Variants in KCNQ5 observed in about 807,000 individuals in gnomAD.
KCNQ5 encodes the protein potassium voltage-gated channel subfamily Q member 5.
A neutral mutation model predicts 98.2 loss-of-function variants in KCNQ5; 30 were observed. The ratio of observed to expected loss-of-function variants is 0.31; its 90% confidence interval spans 0.23 to 0.41. The LOEUF (loss-of-function observed/expected upper bound fraction) is 0.41. Ranked by LOEUF, KCNQ5 falls within the 10% of genes least tolerant of loss-of-function variation. The probability of loss-of-function intolerance (pLI) is 1.00; values close to 1 mark genes in which losing one functional copy is unlikely to be tolerated. For missense variants in KCNQ5, 835 were observed against 1,182.5 expected (o/e 0.71, Z 4.31); for synonymous variants, 458 against 449.4 (o/e 1.02, Z -0.24).
chr6:73,144,107 G>C (rs1776827575), intron 10 of KCNQ5, among the ~76,000 whole-genome samples: 2 of 152,054 alleles, frequency 1.3e-5, no homozygotes, highest in South Asian at 4.1e-4. Flanking sequence ...TAAAGAAGGG[G>C]GGAAACAAGG....
At chr6:72,952,077 T>G (rs560485843) in intron 1 of KCNQ5, among the ~76,000 whole-genome samples, 1 of 152,164 alleles carries the variant, frequency 6.6e-6, no homozygotes, top group Non-Finnish European at 1.5e-5. Context: ...ATTGTAAGTT[T>G]GCAAAGTTGA....
At chr6:72,849,109 T>C (rs1777133820) in intron 1 of KCNQ5, among the ~76,000 whole-genome samples, 1 of 127,354 alleles carries the variant, frequency 7.9e-6, no homozygotes, top group South Asian at 2.9e-4. Flanking sequence ...GTAGCGTATG[T>C]ACACATACAC....
intron 1 of KCNQ5, among the ~76,000 whole-genome samples, chr6:72,954,250 A>T (rs1193371337): frequency 6.6e-6 from 1 of 152,172 alleles, no homozygotes; most frequent in Non-Finnish European, 1.5e-5. Context: ...CAAGCATGTC[A>T]GATGCAGACC....
At chr6:72,966,692 A>T (rs959342415) in intron 1 of KCNQ5, among the ~76,000 whole-genome samples, 1 of 152,232 alleles carries the variant, frequency 6.6e-6, no homozygotes, top group Non-Finnish European at 1.5e-5. Context: ...ATGGAAACAG[A>T]AACATGGGTT....
intron 6 of KCNQ5, among the ~76,000 whole-genome samples, chr6:73,107,552 A>G (rs1297079706): frequency 6.6e-6 from 1 of 152,212 alleles, no homozygotes; most frequent in Non-Finnish European, 1.5e-5. Context: ...ATGAAGATCT[A>G]GGGCCAATTA....
chr6:73,007,868 G>C (rs1391523471), intron 2 of KCNQ5, among the ~76,000 whole-genome samples: 1 of 152,044 alleles, frequency 6.6e-6, no homozygotes, highest in Non-Finnish European at 1.5e-5. Context: ...GACTTCTAGG[G>C]GATTAAAACG....
chr6:73,163,250 T>C (rs1777679740), intron 10 of KCNQ5, among the ~76,000 whole-genome samples: 1 of 79,172 alleles, frequency 1.3e-5, no homozygotes, highest in Non-Finnish European at 2.6e-5. Flanking sequence ...AAATAAAAAC[T>C]AGCCAGACAT....
At chr6:73,080,395 G>A (rs1389575267) in intron 5 of KCNQ5, among the ~76,000 whole-genome samples, 6 of 152,002 alleles carry the variant, frequency 3.9e-5, no homozygotes, top group Non-Finnish European at 8.8e-5. Flanking sequence ...TTATTGGTCC[G>A]TAGCAGGTTT....
chr6:73,124,375 A>G, intron 8 of KCNQ5, 111 bp from the exon 9 acceptor site: 1 of 886,796 alleles, frequency 1.1e-6, no homozygotes, highest in Non-Finnish European at 1.9e-6. Flanking sequence ...TTGCATGAAA[A>G]GAGTTACTTA....
intron 1 of KCNQ5, among the ~76,000 whole-genome samples, chr6:72,751,598 T>A (rs558559758): frequency 1.1e-4 from 16 of 152,238 alleles, no homozygotes; most frequent in African/African-American, 3.8e-4. Context: ...CACTTTAATA[T>A]AGCTCATCTT....
chr6:72,701,776 G>A (rs1277769551), intron 1 of KCNQ5, among the ~76,000 whole-genome samples: 4 of 152,086 alleles, frequency 2.6e-5, no homozygotes, highest in African/African-American at 7.2e-5. Context: ...GTGCAATGGT[G>A]CGATCTCAGC....
At chr6:72,996,918 T>A (rs746284796) in intron 1 of KCNQ5, among the ~76,000 whole-genome samples, 1 of 152,086 alleles carries the variant, frequency 6.6e-6, no homozygotes, top group Non-Finnish European at 1.5e-5. Context: ...AACAGGGAAG[T>A]CATGATAAAA....
intron 1 of KCNQ5, among the ~76,000 whole-genome samples, chr6:72,963,485 A>G (rs951922218): frequency 1.4e-4 from 21 of 152,222 alleles, no homozygotes; most frequent in African/African-American, 2.9e-4. Flanking sequence ...TAGAAAATCA[A>G]TTGATATCTG....
chr6:72,860,314 A>G (rs150039694), intron 1 of KCNQ5, among the ~76,000 whole-genome samples: 133 of 152,108 alleles, frequency 8.7e-4, no homozygotes, highest in South Asian at 2.3e-3. Flanking sequence ...CTTAAACTCT[A>G]TTCCAATTCG....
intron 2 of KCNQ5, among the ~76,000 whole-genome samples, chr6:73,012,857 T>C (rs1260552459): frequency 7.2e-6 from 1 of 139,168 alleles, no homozygotes; most frequent in Non-Finnish European, 1.7e-5. Flanking sequence ...AAATGAAATT[T>C]AAAACTCAAA....
chr6:72,995,432 G>A (rs952792472), intron 1 of KCNQ5, among the ~76,000 whole-genome samples: 2 of 150,082 alleles, frequency 1.3e-5, no homozygotes, highest in Non-Finnish European at 3.0e-5. Context: ...AGTTCATCAA[G>A]AGTAAAAAAA....
intron 8 of KCNQ5, among the ~76,000 whole-genome samples, chr6:73,122,108 C>T (rs891624710): frequency 6.6e-6 from 1 of 152,124 alleles, no homozygotes; most frequent in South Asian, 2.1e-4. Flanking sequence ...TATTAAAAAA[C>T]CGAAAATAGA....
intron 11 of KCNQ5, among the ~76,000 whole-genome samples, chr6:73,184,398 T>C (rs1018298532): frequency 6.6e-6 from 1 of 152,250 alleles, no homozygotes; most frequent in African/African-American, 2.4e-5. Context: ...CTCAGAGGCT[T>C]ATGCTCTTTC....
At chr6:72,637,048 C>T (rs2098924550) in intron 1 of KCNQ5, among the ~76,000 whole-genome samples, 1 of 152,190 alleles carries the variant, frequency 6.6e-6, no homozygotes, top group Admixed American at 6.6e-5. Context: ...GGAGTTCCCA[C>T]TCATCATAGT....
Sources: gnomAD v4.1 joint callset for allele counts (sites outside exome capture counted in the v4.1 genomes callset) on GRCh38, gnomAD v4.1.1 for gene constraint, MANE v1.5 for transcripts, NCBI Gene and HGNC (gene_info 2026-07-23, HGNC 2026-07-21) for gene names.